The following PALLD variants were observed in gnomAD, a reference collection of about 807,000 sequenced individuals.
PALLD encodes palladin, cytoskeletal associated protein.
A neutral mutation model predicts 123.5 loss-of-function variants in PALLD; 61 were observed. The ratio of observed to expected loss-of-function variants is 0.49; its 90% CI spans 0.40 to 0.61. The LOEUF is 0.61. Ranked by LOEUF, PALLD falls within the 20% of genes least tolerant of loss-of-function variation. The pLI, the probability that PALLD is intolerant of heterozygous loss-of-function variation, is 0.00. For synonymous variants in PALLD, 465 were observed against 496.4 expected (o/e 0.94, Z 0.84); for missense variants, 1,273 against 1,377.0 (o/e 0.92, Z 1.20).
chr4:168,793,313 A>T (rs200768710), intron 10 of PALLD, among the ~76,000 whole-genome samples: 5 of 67,924 alleles, frequency 7.4e-5, no homozygotes, highest in African/African-American at 2.5e-4. Flanking sequence ...ATACATATAT[A>T]TGTGTGCATA....
At chr4:168,567,762 A>G (rs1768553487) in intron 2 of PALLD, among the ~76,000 whole-genome samples, 1 of 151,966 alleles carries the variant, frequency 6.6e-6, no homozygotes, top group Non-Finnish European at 1.5e-5. Context: ...ACACATGGAC[A>G]TAGTGAATGG....
intron 15 of PALLD, among the ~76,000 whole-genome samples, chr4:168,904,497 A>G (rs868502324): frequency 6.6e-6 from 1 of 152,210 alleles, no homozygotes; most frequent in African/African-American, 2.4e-5. Flanking sequence ...GCTGCTGGGT[A>G]TCATGTTGCC....
intron 10 of PALLD, among the ~76,000 whole-genome samples, chr4:168,830,397 G>A (rs1231923563): frequency 6.6e-6 from 1 of 151,876 alleles, no homozygotes. Flanking sequence ...GGGTATGATG[G>A]CACGTGCCTG....
rs534768184 is a variant in PALLD at position 168,577,649 on chromosome 4, G to A, written c.908+65237G>A. Among the ~76,000 whole-genome samples, 3 of 152,140 alleles carry A rather than the reference G, an allele frequency of 2.0e-5. No homozygotes were observed. The East Asian group carries it at 5.8e-4, about 29-fold the overall frequency. ...AGAGTAGAGAGGCAATTTGGAAACT[G>A]AAAGAAAGGCTAAATTGACCATTAC... is the stretch of plus-strand genomic sequence containing the variant. On this transcript the variant is annotated intron_variant, in intron 2 of 21. Coordinates refer to ENST00000505667, the MANE Select transcript of PALLD (RefSeq NM_001166108.2).
chr4:168,557,365 C>T (rs1377048482), intron 2 of PALLD, among the ~76,000 whole-genome samples: 4 of 152,144 alleles, frequency 2.6e-5, no homozygotes, highest in South Asian at 2.1e-4. Context: ...GTTCAATATA[C>T]GTTTGCCCTA....
chr4:168,866,249 A>G (rs1424081679), intron 10 of PALLD, among the ~76,000 whole-genome samples: 1 of 152,246 alleles, frequency 6.6e-6, no homozygotes, highest in African/African-American at 2.4e-5. Context: ...TGGGTGACAG[A>G]GCAAGACCCT....
intron 8 of PALLD, among the ~76,000 whole-genome samples, chr4:168,693,427 A>G (rs1356039754): frequency 2.0e-5 from 3 of 152,228 alleles, no homozygotes; most frequent in Admixed American, 2.0e-4. Flanking sequence ...TCTAGAACGT[A>G]CTTAAATGCC....
chr4:168,725,283 A>G (rs1786435679), intron 10 of PALLD, among the ~76,000 whole-genome samples: 1 of 152,200 alleles, frequency 6.6e-6, no homozygotes, highest in South Asian at 2.1e-4. Flanking sequence ...CTCAGCTACA[A>G]TTTCAAACTT....
At chr4:168,534,164 T>C (rs1764876195) in intron 2 of PALLD, among the ~76,000 whole-genome samples, 1 of 152,142 alleles carries the variant, frequency 6.6e-6, no homozygotes, top group Non-Finnish European at 1.5e-5. Flanking sequence ...GTCCACCCCT[T>C]AGGGATGAGT....
chr4:168,533,897 A>G lies in PALLD; in HGVS notation c.908+21485A>G, dbSNP rs570627653. Among the ~76,000 whole-genome samples, 16 of 152,330 alleles carry G rather than the reference A, an allele frequency of 1.1e-4. 1 individual carries two copies. In the East Asian group the frequency reaches 3.1e-3, roughly 29 times the overall value. On this transcript the variant is annotated intron_variant, in intron 2 of 21. Transcript: ENST00000505667. Reference sequence around the variant, plus strand: ...AAAAGGAGAAGGATTTGCCACATTGACGAAGACAAGAAGGAAGAGTTGAAA... The same window carrying G: ...AAAAGGAGAAGGATTTGCCACATTGGCGAAGACAAGAAGGAAGAGTTGAAA...
intron 10 of PALLD, among the ~76,000 whole-genome samples, chr4:168,855,135 G>A (rs1748407931): frequency 7.2e-6 from 1 of 138,382 alleles, no homozygotes; most frequent in African/African-American, 3.0e-5. Context: ...TCTGTTGCCA[G>A]GCTGGAGTGC....
At position 168,927,630 on chromosome 4, in the gene PALLD, A is replaced by G. The variant is rs543911644; in HGVS notation, c.*1450A>G. 1.5e-4 allele frequency: 35 copies of G among 227,352 alleles called. No homozygotes were observed. The highest frequency in any genetic ancestry group is 1.5e-3 in the Admixed American group (26 of 17,590). 14.1% of individuals were successfully genotyped at this position (227,352 alleles called of 1,614,324 possible). On this transcript the variant is annotated 3_prime_UTR_variant, in exon 22 of 22. Coordinates refer to ENST00000505667, the MANE Select transcript of PALLD (RefSeq NM_001166108.2). ...AGACACCAAGATGTGGTAAATGAAA[A>G]TTATTAGTTCACTTCCCTGCTGCCA...
intron 10 of PALLD, among the ~76,000 whole-genome samples, chr4:168,721,996 A>G (rs1029540043): frequency 5.3e-5 from 8 of 152,196 alleles, no homozygotes; most frequent in African/African-American, 1.9e-4. Flanking sequence ...TTAATTGTAC[A>G]TCTCAGGTGT....
chr4:168,677,757 C>T lies in PALLD; in HGVS notation c.1088-3575C>T, dbSNP rs919055592. 9 of 152,332 alleles carry T rather than the reference C, an allele frequency of 5.9e-5. No individual in the cohort carries two copies. In the East Asian group the frequency reaches 1.5e-3, roughly 26 times the overall value. The allele number at this position is 152,332 out of a possible 1,614,324, so 9.4% of individuals were successfully genotyped here. On this transcript the variant is annotated intron_variant, in intron 3 of 21. Transcript: ENST00000505667. Reference sequence around the variant, plus strand: ...CTGCATCTCCTCATCACAGAGAAAACTTCTCCTGGCCCATAACTTGTTTTT... The same window carrying T: ...CTGCATCTCCTCATCACAGAGAAAATTTCTCCTGGCCCATAACTTGTTTTT...
chr4:168,682,638 C>G (rs1227684690), intron 4 of PALLD, among the ~76,000 whole-genome samples: 1 of 152,150 alleles, frequency 6.6e-6, no homozygotes, highest in East Asian at 1.9e-4. Flanking sequence ...CTCTGCTTAT[C>G]AATAAAGATT....
chr4:168,794,483 C>T (rs369977942), intron 10 of PALLD, among the ~76,000 whole-genome samples: 1,775 of 145,944 alleles, frequency 0.012, 16 homozygotes, highest in African/African-American at 0.035. Context: ...CACACGCACA[C>T]ACACATGCAC....
At chr4:168,840,768 G>A (rs544847503) in intron 10 of PALLD, among the ~76,000 whole-genome samples, 4 of 152,270 alleles carry the variant, frequency 2.6e-5, no homozygotes, top group East Asian at 1.9e-4. Flanking sequence ...AGTTCCATTC[G>A]TTTAAAAATA....
chr4:168,681,189 G>C (rs1781516240), intron 3 of PALLD, 143 bp from the exon 4 acceptor site: 1 of 602,468 alleles, frequency 1.7e-6, no homozygotes, highest in South Asian at 1.9e-5. Flanking sequence ...AAAATTGTCT[G>C]AGCCTGAATC....
At chr4:168,825,992 T>C (rs1017975735) in intron 10 of PALLD, among the ~76,000 whole-genome samples, 1 of 152,228 alleles carries the variant, frequency 6.6e-6, no homozygotes, top group Admixed American at 6.5e-5. Flanking sequence ...TCACTATATA[T>C]ATAAGATACA....
Sources: gnomAD v4.1 joint callset for allele counts (sites outside exome capture counted in the v4.1 genomes callset) on GRCh38, gnomAD v4.1.1 for gene constraint, MANE v1.5 for transcripts, NCBI Gene and HGNC (gene_info 2026-07-23, HGNC 2026-07-21) for gene names.